The following CDIN1 variants were observed in gnomAD, a reference collection of about 807,000 sequenced individuals.
CDIN1 encodes the protein CDAN1-interacting nuclease 1.
A neutral mutation model predicts 45.3 loss-of-function variants in CDIN1; 33 were observed. That is an observed-to-expected ratio of 0.73 (90% confidence interval 0.55 to 0.97). The LOEUF is 0.97. CDIN1 is among the 50% of genes least tolerant of loss of function. The probability of loss-of-function intolerance (pLI) is 0.00; values close to 1 mark genes in which losing one functional copy is unlikely to be tolerated. For synonymous variants in CDIN1, 118 were observed against 124.4 expected (o/e 0.95, Z 0.34); for missense variants, 303 against 339.4 (o/e 0.89, Z 0.84).
At chr15:36,592,884 C>G (rs186327971) in intron 1 of CDIN1, among the ~76,000 whole-genome samples, 1 of 152,026 alleles carries the variant, frequency 6.6e-6, no homozygotes, top group Non-Finnish European at 1.5e-5. Context: ...TAGAAATGCT[C>G]TAGTGGTACA....
chr15:36,661,518 G>A (rs563157737), intron 5 of CDIN1, among the ~76,000 whole-genome samples: 17 of 151,888 alleles, frequency 1.1e-4, no homozygotes, highest in African/African-American at 3.9e-4. Context: ...TTTTCTAATT[G>A]CATTGAGAGT....
chr15:36,584,209 T>C (rs963241631), intron 1 of CDIN1, among the ~76,000 whole-genome samples: 2 of 152,204 alleles, frequency 1.3e-5, no homozygotes, highest in African/African-American at 4.8e-5. Context: ...GAAGCACCTC[T>C]TACCACCATG....
chr15:36,730,172 A>T (rs892358045), intron 10 of CDIN1, among the ~76,000 whole-genome samples: 1 of 152,076 alleles, frequency 6.6e-6, no homozygotes, highest in African/African-American at 2.4e-5. Flanking sequence ...GTTGTATTTG[A>T]CTCTTCAACT....
intron 10 of CDIN1, among the ~76,000 whole-genome samples, chr15:36,762,448 C>T (rs8041552): frequency 0.68 from 103,060 of 152,056 alleles, 35,161 homozygotes; most frequent in East Asian, 0.93. Context: ...TGACTTTTGC[C>T]GAGGCACCTC....
At chr15:36,613,907 G>A in intron 1 of CDIN1, 1 of 1,551,618 alleles carries the variant, frequency 6.4e-7, no homozygotes, top group South Asian at 1.1e-5. Context: ...CACAGAGAAT[G>A]AGCTGAGCTG....
intron 1 of CDIN1, chr15:36,613,692 T>C: frequency 6.7e-7 from 1 of 1,495,098 alleles, no homozygotes; most frequent in Middle Eastern, 1.9e-4. Context: ...GCTACTGCCC[T>C]GCAAAAGCTA....
chr15:36,645,590 CTTA>C (rs548009188), intron 3 of CDIN1, among the ~76,000 whole-genome samples: 309 of 150,412 alleles, frequency 2.1e-3, no homozygotes, highest in African/African-American at 6.4e-3. Context: ...CTACTTGAAA[CTTA>C]TTATAAGTGC....
intron 10 of CDIN1, chr15:36,804,674 C>CTTTTTTTTTTTTTTTTTTTTTTT (rs3045810): frequency 1.2e-5 from 1 of 84,890 alleles, no homozygotes. Flanking sequence ...CAGAGAATCA[C>CTTTTTTTTTTTTTTTTTTTTTTT]TTTTTTTTTT....
rs2043702124 is a variant in CDIN1, at chr15:36,728,015, T to C, written c.716+18054T>C. ...AGATTATATGCATGCTAAGAATTAC[T>C]GTATGGCTTTGGTGTCTCCATGATT... is the stretch of plus-strand genomic sequence containing the variant. On this transcript the variant is annotated intron_variant, in intron 10 of 10. Transcript: ENST00000566621. Among the ~76,000 whole-genome samples the C allele has an allele frequency of 2.0e-5, 3 of 152,228 alleles. No individual in the cohort carries two copies. In the South Asian group the frequency reaches 6.2e-4, roughly 32 times the overall value.
At chr15:36,743,446 G>A (rs768446355) in intron 10 of CDIN1, among the ~76,000 whole-genome samples, 1 of 152,178 alleles carries the variant, frequency 6.6e-6, no homozygotes. Flanking sequence ...CAACAGTGCA[G>A]TGCCCTCTTT....
chr15:36,628,103 G>C (rs183584087), intron 1 of CDIN1, among the ~76,000 whole-genome samples: 1 of 152,092 alleles, frequency 6.6e-6, no homozygotes, highest in East Asian at 1.9e-4. Flanking sequence ...AGTTCTGCAA[G>C]TTTTGACAAA....
chr15:36,797,789 T>A (rs561447642), intron 10 of CDIN1, among the ~76,000 whole-genome samples: 1 of 151,898 alleles, frequency 6.6e-6, no homozygotes, highest in East Asian at 1.9e-4. Flanking sequence ...AGACGAGCCT[T>A]GCCAACATGG....
intron 5 of CDIN1, among the ~76,000 whole-genome samples, chr15:36,667,474 A>G (rs2041291238): frequency 6.6e-6 from 1 of 152,230 alleles, no homozygotes; most frequent in South Asian, 2.1e-4. Context: ...TAGGACAGAC[A>G]GTAAAGCTGT....
chr15:36,746,253 T>A (rs1267986055), intron 10 of CDIN1, among the ~76,000 whole-genome samples: 1 of 152,162 alleles, frequency 6.6e-6, no homozygotes, highest in Non-Finnish European at 1.5e-5. Context: ...AAGTTTGTTT[T>A]GTTTGTCTGT....
intron 10 of CDIN1, among the ~76,000 whole-genome samples, chr15:36,765,202 C>T (rs529483685): frequency 6.6e-6 from 1 of 151,814 alleles, no homozygotes; most frequent in South Asian, 2.1e-4. Context: ...GTAACAGGCT[C>T]CTGCCTCCAT....
In CDIN1 at chr15:36,713,889, C is replaced by T. The variant is rs115196160; in HGVS notation, c.716+3928C>T. Among the ~76,000 whole-genome samples the T allele has an allele frequency of 7.4e-3, 1,129 of 152,278 alleles. 10 individuals are homozygous for T. The highest frequency in any genetic ancestry group is 0.026 in the African/African-American group (1,069 of 41,564). Reference sequence around the variant, plus strand: ...TCGTAACATCTATCAAACATGTCATCGCTTGTTTACTTGTCAACCTCCTCC... The same window carrying T: ...TCGTAACATCTATCAAACATGTCATTGCTTGTTTACTTGTCAACCTCCTCC... On this transcript the variant is annotated intron_variant, in intron 10 of 10. Transcript: ENST00000566621.
intron 1 of CDIN1, among the ~76,000 whole-genome samples, chr15:36,605,812 A>G (rs1337576349): frequency 6.6e-6 from 1 of 152,198 alleles, no homozygotes; most frequent in East Asian, 1.9e-4. Flanking sequence ...AGAATTGCCA[A>G]CAATTCCAAC....
chr15:36,725,850 C>T (rs1001740704), intron 10 of CDIN1, among the ~76,000 whole-genome samples: 2 of 150,884 alleles, frequency 1.3e-5, no homozygotes, highest in Non-Finnish European at 2.9e-5. Flanking sequence ...AACCTAAGTG[C>T]TTTAAAAAAA....
chr15:36,618,821 A>T (rs1379928796), intron 1 of CDIN1: 1 of 817,662 alleles, frequency 1.2e-6, no homozygotes, highest in Non-Finnish European at 2.2e-6. Context: ...GGATGGTCTC[A>T]ACCAGACAAC....
Sources: allele counts gnomAD v4.1 joint callset (sites outside exome capture counted in the v4.1 genomes callset), GRCh38; gene constraint gnomAD v4.1.1; transcripts MANE v1.5; gene names NCBI Gene and HGNC (gene_info 2026-07-23, HGNC 2026-07-21).